The following CNTNAP4 variants were observed in gnomAD, a reference collection of about 807,000 sequenced individuals.
CNTNAP4 encodes contactin associated protein family member 4.
Under a neutral mutation model 148.4 loss-of-function variants are expected in CNTNAP4, and 98 were observed. The observed-to-expected ratio is 0.66, with a 90% CI of 0.56 to 0.78. The LOEUF is 0.78. Ranked by LOEUF, CNTNAP4 falls within the 30% of genes least tolerant of loss-of-function variation. CNTNAP4 has a pLI of 0.00. For synonymous variants in CNTNAP4, 730 were observed against 565.1 expected (o/e 1.29, Z -4.14); for missense variants, 1,935 against 1,565.6 (o/e 1.24, Z -3.98).
At chr16:76,282,686 A>T (rs1185890981) in intron 1 of CNTNAP4, among the ~76,000 whole-genome samples, 1 of 151,954 alleles carries the variant, frequency 6.6e-6, no homozygotes, top group African/African-American at 2.4e-5. Flanking sequence ...AGTGATTTTC[A>T]CTTACCCTTG....
chr16:76,538,036 C>T, intron 18 of CNTNAP4, 80 bp from the exon 19 acceptor site: 1 of 614,578 alleles, frequency 1.6e-6, no homozygotes, highest in Non-Finnish European at 2.4e-6. Flanking sequence ...ATTAAAGAAA[C>T]TAAAATATAA....
At chr16:76,373,592 A>T (rs912923713) in intron 3 of CNTNAP4, among the ~76,000 whole-genome samples, 3 of 152,136 alleles carry the variant, frequency 2.0e-5, no homozygotes, top group African/African-American at 7.2e-5. Context: ...AGCTATGAGT[A>T]TGAAAGGAGG....
At chr16:76,424,825 A>G (rs2079325349) in intron 3 of CNTNAP4, among the ~76,000 whole-genome samples, 2 of 152,028 alleles carry the variant, frequency 1.3e-5, no homozygotes, top group South Asian at 4.1e-4. Flanking sequence ...GAAAGAGAGA[A>G]CAAAATCAAT....
chr16:76,441,039 A>G (rs1370513771), intron 4 of CNTNAP4, among the ~76,000 whole-genome samples: 1 of 152,128 alleles, frequency 6.6e-6, no homozygotes, highest in South Asian at 2.1e-4. Context: ...AAGCGTTTTT[A>G]CAATTTAGTT....
At chr16:76,415,226 C>G (rs2078933588) in intron 3 of CNTNAP4, among the ~76,000 whole-genome samples, 1 of 151,132 alleles carries the variant, frequency 6.6e-6, no homozygotes. Context: ...CATATGACCA[C>G]TGTTTCCTCA....
intron 3 of CNTNAP4, among the ~76,000 whole-genome samples, chr16:76,381,830 G>A (rs762390812): frequency 3.9e-5 from 6 of 152,164 alleles, no homozygotes; most frequent in Non-Finnish European, 7.3e-5. Flanking sequence ...GGAGGCCAAG[G>A]TGGATGGATC....
chr16:76,480,454 A>G (rs796854551), intron 12 of CNTNAP4, among the ~76,000 whole-genome samples: 4 of 152,320 alleles, frequency 2.6e-5, no homozygotes, highest in African/African-American at 4.8e-5. Flanking sequence ...TCCTAAATAA[A>G]TGGAGAAATA....
In CNTNAP4 at chr16:76,349,701, C is replaced by A. The variant is rs1965214724; in HGVS notation, c.197-5617C>A. ...TTTCTTATGACAATTTTAATTAAGCCAATTATTTTCTAGGAATTTAGATGT... is the reference window on the plus strand; with the variant it reads ...TTTCTTATGACAATTTTAATTAAGCAAATTATTTTCTAGGAATTTAGATGT... On this transcript the variant is annotated intron_variant, in intron 2 of 23. Transcript: ENST00000611870. 3.3e-5 allele frequency among the ~76,000 whole-genome samples: 5 copies of A among 151,996 alleles called. No individual in the cohort carries two copies. In the South Asian group the frequency reaches 1.0e-3, roughly 32 times the overall value.
intron 4 of CNTNAP4, among the ~76,000 whole-genome samples, chr16:76,439,834 T>C (rs2079968607): frequency 6.6e-6 from 1 of 152,196 alleles, no homozygotes; most frequent in African/African-American, 2.4e-5. Context: ...TGTTCTGTTA[T>C]GCTACCATGC....
chr16:76,352,892 C>T (rs1004135568), intron 2 of CNTNAP4, among the ~76,000 whole-genome samples: 2 of 152,014 alleles, frequency 1.3e-5, no homozygotes, highest in Non-Finnish European at 2.9e-5. Flanking sequence ...TAACAGTCTG[C>T]AAGGGTAGGA....
At chr16:76,343,565 A>T (rs1964661492) in intron 2 of CNTNAP4, among the ~76,000 whole-genome samples, 1 of 152,152 alleles carries the variant, frequency 6.6e-6, no homozygotes, top group Non-Finnish European at 1.5e-5. Flanking sequence ...GGGTTAGGAG[A>T]TACAACAACA....
At chr16:76,354,001 A>C (rs2012223595) in intron 2 of CNTNAP4, among the ~76,000 whole-genome samples, 1 of 152,214 alleles carries the variant, frequency 6.6e-6, no homozygotes, top group Non-Finnish European at 1.5e-5. Context: ...TGCTTGAATC[A>C]AAACTATATA....
intron 3 of CNTNAP4, among the ~76,000 whole-genome samples, chr16:76,423,273 T>A (rs1281607514): frequency 6.6e-6 from 1 of 152,114 alleles, no homozygotes; most frequent in African/African-American, 2.4e-5. Context: ...CATAAAAGAA[T>A]AGGATTTATA....
At chr16:76,473,873 T>TG (rs1176177922) in intron 10 of CNTNAP4, among the ~76,000 whole-genome samples, 4 of 101,302 alleles carry the variant, frequency 3.9e-5, no homozygotes, top group South Asian at 6.1e-4. Flanking sequence ...TTTGTTTTGT[T>TG]TTTTAATCTG....
chr16:76,489,549 A>G (rs941230598), intron 12 of CNTNAP4, 137 bp from the exon 13 acceptor site: 2 of 448,124 alleles, frequency 4.5e-6, no homozygotes, highest in Admixed American at 4.2e-5. Context: ...ATTTGTGTTG[A>G]TTCTACCTCT....
chr16:76,522,215 G>T lies in CNTNAP4; in HGVS notation c.2713G>T (p.Asp905Tyr). The T allele has an allele frequency of 5.6e-6, 9 of 1,613,974 alleles. No homozygotes were observed. Among genetic ancestry groups the T allele is most frequent in the Non-Finnish European group, 7.6e-6 (9 of 1,179,892 alleles). The change falls in exon 17 of 24, where the codon GAT becomes TAT. Residue 905 changes from aspartate (D) to tyrosine (Y), a missense_variant. By Grantham distance (160) the Asp-to-Tyr change is radical (BLOSUM62 -3). Coordinates refer to ENST00000611870, the MANE Select transcript of CNTNAP4 (RefSeq NM_033401.5). ...LTPKTQPAPA[D>Y]GHVLLQLNSQ... ...ACCAAAGACACAGCCCGCCCCCGCT[G>T]ATGGGCATGTCCTGTTACAGCTCAA...
chr16:76,428,621 G>C (rs77405645), intron 4 of CNTNAP4, among the ~76,000 whole-genome samples: 38 of 152,132 alleles, frequency 2.5e-4, no homozygotes, highest in African/African-American at 8.9e-4. Flanking sequence ...CATGGTTTGC[G>C]TGGGTACTCT....
chr16:76,439,194 A>G (rs1402316245), intron 4 of CNTNAP4, among the ~76,000 whole-genome samples: 1 of 152,086 alleles, frequency 6.6e-6, no homozygotes, highest in Admixed American at 6.6e-5. Context: ...ACTATTGGTT[A>G]AATGGCTGAA....
At chr16:76,478,687 A>G (rs2081685921) in intron 11 of CNTNAP4, among the ~76,000 whole-genome samples, 1 of 152,144 alleles carries the variant, frequency 6.6e-6, no homozygotes, top group South Asian at 2.1e-4. Flanking sequence ...TGTACATGGC[A>G]AATTTAGGAT....
Sources: gnomAD v4.1 joint callset for allele counts (sites outside exome capture counted in the v4.1 genomes callset) on GRCh38, gnomAD v4.1.1 for gene constraint, MANE v1.5 for transcripts, NCBI Gene and HGNC (gene_info 2026-07-23, HGNC 2026-07-21) for gene names.